Variants in WHRN observed in about 807,000 individuals in gnomAD.
WHRN encodes whirlin.
A neutral mutation model predicts 68.3 loss-of-function variants in WHRN; 41 were observed. The ratio of observed to expected loss-of-function variants is 0.60; its 90% CI spans 0.47 to 0.78. The LOEUF (loss-of-function observed/expected upper bound fraction) is 0.78. Among genes scored for constraint, WHRN ranks in the 30% least tolerant of loss-of-function variants. The pLI is 0.00. For missense variants in WHRN, 1,243 were observed against 1,244.7 expected, an observed-to-expected ratio of 1.00 and a Z score of 0.02; for synonymous variants, 560 against 561.3, an observed-to-expected ratio of 1.00 and a Z score of 0.03.
At position 114,406,359 on chromosome 9, in the gene WHRN, C is replaced by T. The variant is rs780416910; in HGVS notation, c.2232G>A (p.Thr744=). ...GCCTGGCCTTGCTGTACTCACTGCGCGTCTGGGGCAGCGCCCTCACTTCAT... is the reference window on the plus strand; with the variant it reads ...GCCTGGCCTTGCTGTACTCACTGCGTGTCTGGGGCAGCGCCCTCACTTCAT... ...DVNEVRALPQ[T]RTASTLSQLS... The change falls in exon 9 of 12, where the codon ACG becomes ACA. Residue 744 remains threonine, a synonymous_variant. Coordinates refer to ENST00000362057, the MANE Select transcript of WHRN (RefSeq NM_015404.4). 8.1e-6 allele frequency: 13 copies of T among 1,614,102 alleles called. No homozygotes were observed. The highest frequency in any genetic ancestry group is 5.5e-5 in the South Asian group (5 of 91,092).
In WHRN at chr9:114,437,494, C is replaced by T. The variant is rs73656104; in HGVS notation, c.964-11081G>A. Among the ~76,000 whole-genome samples, 1,445 of 152,138 alleles carry T rather than the reference C, an allele frequency of 9.5e-3. 23 individuals are homozygous for T. The highest frequency in any genetic ancestry group is 0.033 in the African/African-American group (1,388 of 41,498). On this transcript the variant is annotated intron_variant, in intron 3 of 11. Coordinates refer to ENST00000362057, the MANE Select transcript of WHRN (RefSeq NM_015404.4). ...TGTTATGGGCTGAATGTTTGTGTCC[C>T]CCCCCAAATTCCTACCCTAACCCTG...
intron 1 of WHRN, among the ~76,000 whole-genome samples, chr9:114,480,135 C>T (rs921757083): frequency 6.6e-6 from 1 of 152,032 alleles, no homozygotes; most frequent in African/African-American, 2.4e-5. Flanking sequence ...GTGTGGAACA[C>T]CATCTTTATT....
At chr9:114,414,737 C>T (rs1053140871) in intron 7 of WHRN, among the ~76,000 whole-genome samples, 3 of 152,346 alleles carry the variant, frequency 2.0e-5, no homozygotes, top group Admixed American at 6.5e-5. Context: ...AAGCTGTGGC[C>T]GGCCTGAGAG....
At chr9:114,439,096 C>CAA (rs58878051) in intron 3 of WHRN, among the ~76,000 whole-genome samples, 148,011 of 152,260 alleles carry the variant, frequency 0.97, 72,057 homozygotes, top group East Asian at 1. Flanking sequence ...CAAAAAGAAA[C>CAA]AGAGGAATAA....
chr9:114,424,360 A>G lies in WHRN; in HGVS notation c.1390T>C (p.Phe464Leu), dbSNP rs540699814. The G allele has an allele frequency of 1.2e-6, 2 of 1,612,314 alleles. No homozygotes were observed. The highest frequency in any genetic ancestry group is 2.2e-5 in the South Asian group (2 of 91,002). Residue 464 changes from phenylalanine to leucine, a missense_variant, in exon 6 of 12, where the codon TTC (phenylalanine) becomes CTC (leucine). Coordinates refer to ENST00000362057, the MANE Select transcript of WHRN (RefSeq NM_015404.4). ...TTGGCGTGGGTGTTGAGCAGCTTGA[A>G]CAGGGCCATGACGAGGGCCTCCACA... is the stretch of plus-strand genomic sequence containing the variant. ...VSVEALVMAL[F>L]KLLNTHAKFS...
chr9:114,478,652 T>C lies in WHRN; in HGVS notation c.738A>G (p.Pro246=). 1 of 1,612,998 alleles carries C rather than the reference T, an allele frequency of 6.2e-7. No homozygotes were observed. The highest frequency in any genetic ancestry group is 8.5e-7 in the Non-Finnish European group (1 of 1,179,770). ...CGTGGGGCTGGGGCAGGCCCGAGGG[T>C]GGGGAGATGCTGCGGCCCTGCGGGT... is the stretch of plus-strand genomic sequence containing the variant. ...WVDPQGRSIS[P]PSGLPQPHGG... The change falls in exon 2 of 12, where the codon CCA becomes CCG. Residue 246 remains proline (P), a synonymous_variant. Transcript: ENST00000362057.
intron 3 of WHRN, among the ~76,000 whole-genome samples, chr9:114,431,286 G>A (rs764933748): frequency 1.3e-5 from 2 of 152,172 alleles, no homozygotes; most frequent in Non-Finnish European, 2.9e-5. Context: ...AGGTAGCTGT[G>A]AGAATCAAAT....
rs1564222711 is a variant in WHRN, at chr9:114,489,489, CGT to C, written c.619-10720_619-10719del. ...ACACACACACACACACGCACACACA[CGT>C]ACACACACACACGCACACACGCGTG... On this transcript the variant is annotated intron_variant, in intron 1 of 11. Coordinates refer to ENST00000362057, the MANE Select transcript of WHRN (RefSeq NM_015404.4). Among the ~76,000 whole-genome samples, 860 of 125,260 alleles carry C rather than the reference CGT, an allele frequency of 6.9e-3. 10 individuals carry two copies. The highest frequency in any genetic ancestry group is 0.025 in the African/African-American group (814 of 33,222). The allele number at this position is 125,260 out of a possible 152,430, so 82.2% of individuals were successfully genotyped here.
At chr9:114,502,498 A>G (rs1404712825) in intron 1 of WHRN, among the ~76,000 whole-genome samples, 1 of 147,382 alleles carries the variant, frequency 6.8e-6, no homozygotes, top group South Asian at 2.3e-4. Flanking sequence ...AGATTCAGAG[A>G]GAAGATCTGG....
In WHRN at chr9:114,417,118, G is replaced by A. The variant is rs115861314; in HGVS notation, c.1626+6196C>T. ...AAGGCAGCATAAAATGCTCAGGGCT[G>A]GCTCTCTGTTAGACAAATGGAAAAT... is the stretch of plus-strand genomic sequence containing the variant. On this transcript the variant is annotated intron_variant, in intron 7 of 11. Coordinates refer to ENST00000362057, the MANE Select transcript of WHRN (RefSeq NM_015404.4). Among the ~76,000 whole-genome samples, 750 of 152,318 alleles carry A rather than the reference G, an allele frequency of 4.9e-3. 6 individuals are homozygous for A. The highest frequency in any genetic ancestry group is 0.014 in the African/African-American group (566 of 41,564).
At chr9:114,466,878 A>AG (rs1564189810) in intron 2 of WHRN, among the ~76,000 whole-genome samples, 1 of 151,002 alleles carries the variant, frequency 6.6e-6, no homozygotes, top group Non-Finnish European at 1.5e-5. Flanking sequence ...CTGTCACCTC[A>AG]GGGGTCTCCC....
intron 2 of WHRN, among the ~76,000 whole-genome samples, chr9:114,471,122 G>A (rs1841184585): frequency 6.6e-6 from 1 of 152,154 alleles, no homozygotes; most frequent in African/African-American, 2.4e-5. Context: ...CATTTGGCAT[G>A]AATCGGAATT....
In WHRN at chr9:114,504,716, C is replaced by G. The variant is rs749559062; in HGVS notation, c.86G>C (p.Gly29Ala). The G allele has an allele frequency of 1.3e-6, 2 of 1,518,252 alleles. No individual in the cohort carries two copies. Among genetic ancestry groups the G allele is most frequent in the South Asian group, 1.2e-5 (1 of 80,636 alleles). The allele number at this position is 1,518,252 out of a possible 1,614,324, so 94.0% of individuals were successfully genotyped here. A position where few individuals can be genotyped will look rare whatever the true frequency, so the allele number is the denominator to read the frequency against. Residue 29 changes from glycine (G) to alanine (A), a missense_variant, in exon 1 of 12, where the codon GGC becomes GCC. Physicochemically the swap from Gly to Ala is moderately conservative, Grantham distance 60. Transcript: ENST00000362057. ...GGCAGACAGTAACCGCAGCCCCGCG[C>G]CCCCGCCGCCGCCCGCCCCGGCCGC... ...GSAAGAGGGGGAGLRLLSANV... is the reference protein window; with the variant it reads ...GSAAGAGGGGAAGLRLLSANV...
intron 2 of WHRN, among the ~76,000 whole-genome samples, chr9:114,470,665 G>C (rs1224088723): frequency 2.0e-5 from 3 of 152,104 alleles, no homozygotes. Context: ...GACACAGTAG[G>C]CAGCTCCTGC....
intron 6 of WHRN, 101 bp from the exon 7 acceptor site, chr9:114,423,624 GC>G: frequency 8.5e-7 from 1 of 1,176,222 alleles, no homozygotes. Flanking sequence ...ACTTGACCCT[GC>G]CTCCCCTCCT....
chr9:114,499,608 C>T (rs189900811), intron 1 of WHRN, among the ~76,000 whole-genome samples: 1 of 152,280 alleles, frequency 6.6e-6, no homozygotes, highest in East Asian at 1.9e-4. Flanking sequence ...AAGCCCTTTG[C>T]AGGATGGAGG....
intron 7 of WHRN, among the ~76,000 whole-genome samples, chr9:114,413,947 G>A (rs916458276): frequency 6.2e-5 from 9 of 144,722 alleles, no homozygotes; most frequent in East Asian, 2.0e-4. Context: ...AGAAAAGGAC[G>A]TCAGTGGAAA....
intron 3 of WHRN, among the ~76,000 whole-genome samples, chr9:114,464,389 G>A (rs1331958832): frequency 1.3e-5 from 2 of 152,208 alleles, no homozygotes; most frequent in African/African-American, 2.4e-5. Flanking sequence ...CCAAGATCAA[G>A]ACGCCAGCAG....
At chr9:114,407,015 GC>G in intron 8 of WHRN, 123 bp from the exon 9 acceptor site, 1 of 1,175,508 alleles carries the variant, frequency 8.5e-7, no homozygotes, top group Non-Finnish European at 1.2e-6. Context: ...ACTGCTCTTG[GC>G]CACACTGCTC....
Sources: gnomAD v4.1 joint callset for allele counts (sites outside exome capture counted in the v4.1 genomes callset) on GRCh38, gnomAD v4.1.1 for gene constraint, MANE v1.5 for transcripts, NCBI Gene and HGNC (gene_info 2026-07-23, HGNC 2026-07-21) for gene names.